Variants in ZNF518A observed in about 807,000 individuals in gnomAD.
The protein encoded by ZNF518A is zinc finger protein 518.
ZNF518A carries 47 observed loss-of-function variants against 102.7 expected under a neutral mutation model. The observed-to-expected ratio is 0.46, with a 90% CI of 0.36 to 0.58. The LOEUF (loss-of-function observed/expected upper bound fraction) is 0.58, where lower values mean the gene tolerates loss of function less well. Ranked by LOEUF, ZNF518A falls within the 20% of genes least tolerant of loss-of-function variation. ZNF518A has a pLI of 0.00. For missense variants in ZNF518A, 1,793 were observed against 1,699.8 expected, an observed-to-expected ratio of 1.05 and a Z score of -0.96; for synonymous variants, 652 against 594.6, an observed-to-expected ratio of 1.10 and a Z score of -1.40.
At chr10:96,134,585 G>A (rs180814240) in intron 3 of ZNF518A, among the ~76,000 whole-genome samples, 51 of 152,298 alleles carry the variant, frequency 3.3e-4, no homozygotes, top group African/African-American at 1.2e-3. Context: ...ATTTGACCCA[G>A]ACTACTCAGA....
chr10:96,180,575 A>G (rs1324815379), intron 1 of ZNF518A, among the ~76,000 whole-genome samples: 7 of 150,238 alleles, frequency 4.7e-5, no homozygotes, highest in Non-Finnish European at 7.4e-5. Context: ...CTTCCCACCT[A>G]TGAGTGAGAA....
chr10:96,169,129 A>T (rs587660193), intron 1 of ZNF518A, among the ~76,000 whole-genome samples: 2 of 152,258 alleles, frequency 1.3e-5, no homozygotes, highest in Non-Finnish European at 2.9e-5. Context: ...CCTAGACTCA[A>T]GCATTCCTTC....
At chr10:96,153,426 G>C (rs1351260780) in intron 3 of ZNF518A, among the ~76,000 whole-genome samples, 1 of 152,128 alleles carries the variant, frequency 6.6e-6, no homozygotes, top group African/African-American at 2.4e-5. Flanking sequence ...AACCATCACA[G>C]ATTGCTTCCC....
At chr10:96,184,722 G>A (rs1441955800) in intron 1 of ZNF518A, among the ~76,000 whole-genome samples, 2 of 151,500 alleles carry the variant, frequency 1.3e-5, no homozygotes, top group Non-Finnish European at 2.9e-5. Flanking sequence ...TTTCTCTCTG[G>A]CTGCCCTTAA....
intron 1 of ZNF518A, chr10:96,189,919 C>A: frequency 1.0e-6 from 1 of 996,166 alleles, no homozygotes; most frequent in Non-Finnish European, 1.6e-6. Context: ...CACACTTCAA[C>A]CATAAAAGCA....
intron 1 of ZNF518A, among the ~76,000 whole-genome samples, chr10:96,196,282 T>G (rs1554894647): frequency 1.3e-5 from 2 of 152,208 alleles, no homozygotes; most frequent in Admixed American, 6.5e-5. Flanking sequence ...AGACCATTCA[T>G]GGGTTACTCC....
downstream of ZNF518A, chr10:96,204,945 G>C: frequency 2.9e-6 from 1 of 348,398 alleles, no homozygotes; most frequent in South Asian, 2.3e-5. Flanking sequence ...GAACATTTTA[G>C]CCACCCTCTA....
rs1178727762 is a variant in ZNF518A at position 96,158,353 on chromosome 10, A to G, written c.2031A>G (p.Pro677=). The change falls in exon 6 of 6, where the codon CCA becomes CCG. Residue 677 remains proline (P), a synonymous_variant. Coordinates refer to ENST00000316045, the MANE Select transcript of ZNF518A (RefSeq NM_001330736.2). Reference sequence around the variant, plus strand: ...CCAGCAAAACAGTTGTCCAACAACCAATTAGTGAATCATTTTTATCACTAG... The same window carrying G: ...CCAGCAAAACAGTTGTCCAACAACCGATTAGTGAATCATTTTTATCACTAG... ...SSSSKTVVQQ[P]ISESFLSLVR... 1.9e-6 allele frequency: 3 copies of G among 1,613,796 alleles called. No individual in the cohort carries two copies. The highest frequency in any genetic ancestry group is 2.5e-6 in the Non-Finnish European group (3 of 1,179,764).
At position 96,200,098 on chromosome 10, in the gene ZNF518A, C is replaced by T; in HGVS notation, n.36-3476C>T. On this transcript the variant is annotated intron_variant and non_coding_transcript_variant, in intron 1 of 2. Transcript: ENST00000442635. The surrounding 1 kb of genome is among the most constrained non-coding windows in gnomAD (Gnocchi z 4.3). ...ACCTTGTTTGATCTGTGCAATGCCT[C>T]TTCAGCAGACTTTCGATCACAGGCT... 6.2e-7 allele frequency: 1 copy of T among 1,613,966 alleles called. No homozygotes were observed. The highest frequency in any genetic ancestry group is 8.5e-7 in the Non-Finnish European group (1 of 1,179,924).
At chr10:96,139,053 T>G (rs587703328) in intron 3 of ZNF518A, among the ~76,000 whole-genome samples, 2 of 150,444 alleles carry the variant, frequency 1.3e-5, no homozygotes, top group African/African-American at 4.9e-5. Context: ...TTTTGAAGAA[T>G]GGAAGAAAGC....
chr10:96,196,929 G>T lies in ZNF518A; in HGVS notation n.36-6645G>T, dbSNP rs1591292563. The T allele has an allele frequency of 1.2e-6, 2 of 1,613,242 alleles. No homozygotes were observed. The highest frequency in any genetic ancestry group is 8.5e-7 in the Non-Finnish European group (1 of 1,179,664). ...TGACCTCTTCACCATTTTTCTTTCT[G>T]CCCAAGGCATATTGTTTTGTTGCTT... On this transcript the variant is annotated intron_variant and non_coding_transcript_variant, in intron 1 of 2. Coordinates refer to the ZNF518A transcript ENST00000442635.
chr10:96,183,736 ATG>A (rs1554892250), intron 1 of ZNF518A, among the ~76,000 whole-genome samples: 1 of 152,174 alleles, frequency 6.6e-6, no homozygotes, highest in East Asian at 1.9e-4. Context: ...ACTTCCAACT[ATG>A]TGGTCAATTT....
At chr10:96,142,924 A>C (rs1332024829) in intron 3 of ZNF518A, among the ~76,000 whole-genome samples, 1 of 151,670 alleles carries the variant, frequency 6.6e-6, no homozygotes, top group Non-Finnish European at 1.5e-5. Context: ...CTCATGTCTC[A>C]GCCTCCTGAG....
intron 3 of ZNF518A, among the ~76,000 whole-genome samples, chr10:96,150,641 CTCTTTTTTTCAATATGCTAGA>C (rs1302254445): frequency 1.4e-5 from 2 of 146,078 alleles, no homozygotes; most frequent in Admixed American, 1.4e-4. Context: ...AGTCAGTATG[CTCTTTTTTTCAATATGCTAGA>C]TCTTACTGAG....
At chr10:96,204,760 G>A, downstream of ZNF518A, 1 of 727,000 alleles carries the variant, frequency 1.4e-6, no homozygotes. Context: ...TCATGGATCT[G>A]TGCACTTGCC....
intron 1 of ZNF518A, among the ~76,000 whole-genome samples, chr10:96,198,403 C>T (rs782098210): frequency 1.6e-4 from 25 of 152,234 alleles, no homozygotes; most frequent in Non-Finnish European, 2.8e-4. Context: ...CTTAAATCTA[C>T]GTATTGAAAG....
intron 1 of ZNF518A, among the ~76,000 whole-genome samples, chr10:96,177,647 A>G (rs972311822): frequency 7.2e-5 from 11 of 152,194 alleles, no homozygotes; most frequent in Non-Finnish European, 4.4e-5. Context: ...GCCTAGAGGA[A>G]CCATTGTAAA....
At chr10:96,175,866 C>A (rs1230791003) in intron 1 of ZNF518A, among the ~76,000 whole-genome samples, 1 of 24,524 alleles carries the variant, frequency 4.1e-5, no homozygotes, top group Non-Finnish European at 1.4e-4. Flanking sequence ...TCCCTCCCTG[C>A]CTCCCTCCCT....
intron 3 of ZNF518A, among the ~76,000 whole-genome samples, chr10:96,153,418 C>T (rs1348156238): frequency 7.2e-5 from 11 of 152,146 alleles, no homozygotes; most frequent in Non-Finnish European, 4.4e-5. Context: ...CTAAAATTAA[C>T]CATCACAGAT....
Sources: allele counts gnomAD v4.1 joint callset (sites outside exome capture counted in the v4.1 genomes callset), GRCh38; gene constraint gnomAD v4.1.1; non-coding constraint Gnocchi (gnomAD v3.1); transcripts MANE v1.5; gene names NCBI Gene and HGNC (gene_info 2026-07-23, HGNC 2026-07-21).